SETDB2: variants seen among roughly 807,000 people sequenced by gnomAD.
SETDB2 encodes the protein SET domain bifurcated histone lysine methyltransferase 2.
Under a neutral mutation model 82.5 loss-of-function variants are expected in SETDB2, and 56 were observed. The ratio of observed to expected loss-of-function variants is 0.68; its 90% CI spans 0.55 to 0.85. The LOEUF (loss-of-function observed/expected upper bound fraction) is 0.85, where lower values mean the gene tolerates loss of function less well. SETDB2 is among the 40% of genes least tolerant of loss of function. SETDB2 has a pLI of 0.00. For missense variants in SETDB2, 677 were observed against 816.4 expected (o/e 0.83, Z 2.08); for synonymous variants, 272 against 284.9 (o/e 0.95, Z 0.46).
intron 5 of SETDB2, 75 bp from the exon 6 acceptor site, chr13:49,476,401 A>G (rs1958362592): frequency 4.0e-6 from 4 of 1,007,564 alleles, no homozygotes; most frequent in Non-Finnish European, 5.8e-6. Flanking sequence ...AGAAGGTAGA[A>G]AATAATCATA....
At chr13:49,445,080 A>G (rs1957633664) in intron 1 of SETDB2, among the ~76,000 whole-genome samples, 1 of 152,244 alleles carries the variant, frequency 6.6e-6, no homozygotes, top group African/African-American at 2.4e-5. Context: ...AAATTTGAAG[A>G]GGTCAAATGG....
At chr13:49,475,791 T>A (rs1221981703) in intron 5 of SETDB2, among the ~76,000 whole-genome samples, 1 of 148,450 alleles carries the variant, frequency 6.7e-6, no homozygotes, top group Admixed American at 6.7e-5. Flanking sequence ...CCCTGCCGAC[T>A]TTTTTTTTTA....
In SETDB2 at chr13:49,483,535, C is replaced by A; in HGVS notation, c.1454C>A (p.Ala485Asp). The A allele has an allele frequency of 2.0e-6, 3 of 1,487,350 alleles. No homozygotes were observed. Among genetic ancestry groups the A allele is most frequent in the Non-Finnish European group, 2.7e-6 (3 of 1,100,604 alleles). 92.1% of individuals were successfully genotyped at this position (1,487,350 alleles called of 1,614,324 possible). A position where few individuals can be genotyped will look rare whatever the true frequency, so the allele number is the denominator to read the frequency against. ...ATTAGAGATCCTGAATCCAAGACAG[C>A]CATTTTTCAACACAATGGGAAAAAA... Reference protein sequence around the residue: ...SVIRDPESKTAIFQHNGKKME... With the variant: ...SVIRDPESKTDIFQHNGKKME... The change falls in exon 10 of 14, where the codon GCC (alanine) becomes GAC (aspartate). Residue 485 changes from alanine (A) to aspartate (D), a missense_variant. Around this residue, in one of 3 missense-constraint regions of SETDB2, gnomAD observed 420 missense variants for 554.6 expected, o/e 0.76. Transcript: ENST00000611815.
At position 49,460,226 on chromosome 13, in the gene SETDB2, A is replaced by G; in HGVS notation, c.136A>G (p.Asn46Asp). The G allele has an allele frequency of 6.2e-7, 1 of 1,612,526 alleles. No individual in the cohort carries two copies. ...AAAGATCAAAGATGGGTCTGCCACC[A>G]ATAAAGGTATGAAGCAATAAAAACT... ...KQKIKDGSAT[N>D]KEYIQAMILV... is the part of the protein sequence containing the mutation. The change falls in exon 3 of 14, where the codon AAT becomes GAT. Residue 46 changes from asparagine (N) to aspartate (D), a missense_variant. Around this residue, in one of 3 missense-constraint regions of SETDB2, gnomAD observed 243 missense variants for 237.2 expected, o/e 1.02. Transcript: ENST00000611815.
At chr13:49,471,930 A>ATT (rs1424270883) in intron 5 of SETDB2, among the ~76,000 whole-genome samples, 12 of 73,086 alleles carry the variant, frequency 1.6e-4, no homozygotes, top group African/African-American at 4.1e-4. Context: ...ATATATATAT[A>ATT]TATATTTTTT....
At chr13:49,468,422 A>G (rs915841183) in intron 5 of SETDB2, among the ~76,000 whole-genome samples, 5 of 151,970 alleles carry the variant, frequency 3.3e-5, no homozygotes, top group Non-Finnish European at 7.4e-5. Flanking sequence ...TACTTTCCAT[A>G]AAGATTCTTT....
At chr13:49,482,532 T>TA (rs1383245337) in intron 8 of SETDB2, among the ~76,000 whole-genome samples, 1 of 152,208 alleles carries the variant, frequency 6.6e-6, no homozygotes. Context: ...GGTTTTTTTT[T>TA]AGATACCCTG....
chr13:49,487,438 C>A (rs1958619385), intron 11 of SETDB2, among the ~76,000 whole-genome samples: 1 of 152,180 alleles, frequency 6.6e-6, no homozygotes, highest in Admixed American at 6.5e-5. Context: ...TGGGCTCAAA[C>A]AGTCCTCCCA....
chr13:49,447,720 TA>T (rs1237531586), intron 1 of SETDB2, among the ~76,000 whole-genome samples: 3 of 152,134 alleles, frequency 2.0e-5, no homozygotes, highest in Non-Finnish European at 2.9e-5. Flanking sequence ...ATTCTTGGGA[TA>T]AACTATTTTG....
chr13:49,473,453 A>C (rs1958290025), intron 5 of SETDB2, among the ~76,000 whole-genome samples: 1 of 147,900 alleles, frequency 6.8e-6, no homozygotes. Context: ...CGAGAGGCTG[A>C]GGTGGGAGGA....
rs1958466322 is a variant in SETDB2 at position 49,481,060 on chromosome 13, G to A, written c.1100G>A (p.Trp367Ter). The change falls in exon 8 of 14, where the codon TGG becomes TAG. Residue 367 changes from tryptophan to a stop codon, truncating the protein, a stop_gained. Coordinates refer to ENST00000611815, the MANE Select transcript of SETDB2 (RefSeq NM_001160308.3). LOFTEE classifies it high-confidence loss of function. ...LQVFKTEQKG[W>*]GVRCLDDIDR... ...GTGTTCAAAACTGAGCAGAAGGGAT[G>A]GGGTGTACGCTGTCTAGATGACATT... The A allele has an allele frequency of 6.2e-7, 1 of 1,614,148 alleles. No homozygotes were observed. The highest frequency in any genetic ancestry group is 1.1e-5 in the South Asian group (1 of 91,078).
intron 6 of SETDB2, among the ~76,000 whole-genome samples, chr13:49,477,534 A>G (rs559246995): frequency 3.3e-5 from 5 of 152,370 alleles, no homozygotes; most frequent in African/African-American, 1.2e-4. Flanking sequence ...CAAATATGGT[A>G]ATTTGAAACA....
chr13:49,468,333 G>A (rs375668200), intron 5 of SETDB2, among the ~76,000 whole-genome samples: 3 of 152,002 alleles, frequency 2.0e-5, no homozygotes, highest in Non-Finnish European at 4.4e-5. Context: ...TTCAAAATGC[G>A]TAACAGCTCT....
intron 5 of SETDB2, among the ~76,000 whole-genome samples, chr13:49,474,130 C>T (rs1407261573): frequency 6.6e-6 from 1 of 152,196 alleles, no homozygotes; most frequent in Non-Finnish European, 1.5e-5. Context: ...GATGTGGTGG[C>T]ACATGCCTGT....
rs367857356 is a variant in SETDB2, at chr13:49,467,242, A to G, written c.209-622A>G. Among the ~76,000 whole-genome samples, 222 of 152,150 alleles carry G rather than the reference A, an allele frequency of 1.5e-3. 2 individuals are homozygous for G. Among genetic ancestry groups the G allele is most frequent in the African/African-American group, 5.1e-3 (211 of 41,502 alleles). On this transcript the variant is annotated intron_variant, in intron 4 of 13. Coordinates refer to ENST00000611815, the MANE Select transcript of SETDB2 (RefSeq NM_001160308.3). ...AAATCCTGTCTCTACTAAAACTACA[A>G]AAATTAGCCCAGCATGGTTTTGCAT...
At chr13:49,466,539 A>G (rs896731015) in intron 4 of SETDB2, among the ~76,000 whole-genome samples, 2 of 152,150 alleles carry the variant, frequency 1.3e-5, no homozygotes, top group African/African-American at 4.8e-5. Flanking sequence ...ATCATGTTAC[A>G]TGAGTCCTCT....
intron 2 of SETDB2, among the ~76,000 whole-genome samples, chr13:49,453,542 C>G (rs373423506): frequency 1.3e-5 from 2 of 152,258 alleles, no homozygotes; most frequent in East Asian, 1.9e-4. Context: ...AAGTGATCCA[C>G]CCGCCTTAGC....
chr13:49,474,575 T>G (rs1385399967), intron 5 of SETDB2, among the ~76,000 whole-genome samples: 2 of 152,242 alleles, frequency 1.3e-5, no homozygotes, highest in African/African-American at 4.8e-5. Context: ...TACAATAAAA[T>G]TACTTATTAA....
At chr13:49,487,550 C>T (rs1958621795) in intron 11 of SETDB2, among the ~76,000 whole-genome samples, 1 of 152,104 alleles carries the variant, frequency 6.6e-6, no homozygotes, top group African/African-American at 2.4e-5. Flanking sequence ...ACTTTGTTGC[C>T]CAGGCTGGTC....
Sources: gnomAD v4.1 joint callset for allele counts (sites outside exome capture counted in the v4.1 genomes callset) on GRCh38, gnomAD v4.1.1 for gene constraint, gnomAD v4.1.1 regional missense constraint, MANE v1.5 for transcripts, NCBI Gene and HGNC (gene_info 2026-07-23, HGNC 2026-07-21) for gene names.